Variants in SH2D7 observed in about 807,000 individuals in gnomAD.
SH2D7 encodes the protein SH2 domain containing 7.
Under a neutral mutation model 40.8 loss-of-function variants are expected in SH2D7, and 32 were observed. The observed-to-expected ratio is 0.78, with a 90% CI of 0.59 to 1.05. The LOEUF (loss-of-function observed/expected upper bound fraction) is 1.05. Among genes scored for constraint, SH2D7 ranks in the 50% least tolerant of loss-of-function variants. The pLI, the probability that SH2D7 is intolerant of heterozygous loss-of-function variation, is 0.00. For missense variants in SH2D7, 559 were observed against 566.6 expected (o/e 0.99, Z 0.14); for synonymous variants, 195 against 221.5 (o/e 0.88, Z 1.06).
rs2073947522 is a variant in SH2D7, at chr15:78,092,742, A to G, written c.158A>G (p.His53Arg). The stretch of plus-strand genomic sequence containing the variant: ...AACGGTGCCCTGCCTCCCTGGTTTC[A>G]TGGATTCATCACCCGCAAGTAAGGC... ...LQNGALPPWFHGFITRKQTEQ... is the reference protein window; with the variant it reads ...LQNGALPPWFRGFITRKQTEQ... Residue 53 changes from histidine to arginine, a missense_variant, in exon 1 of 6, where the codon CAT becomes CGT. Transcript: ENST00000328828. 1.2e-6 allele frequency: 2 copies of G among 1,608,352 alleles called. No homozygotes were observed. Among genetic ancestry groups the G allele is most frequent in the African/African-American group, 1.3e-5 (1 of 74,916 alleles).
In SH2D7 at chr15:78,098,488, CAAGG is replaced by C; in HGVS notation, c.538_541del (p.Lys180ProfsTer23). ...CGGCATTCCTCACAGTGGTCCCCGACAAGGCCGCCAGCCCCCGCTCTTCTCCAAA... is the reference window on the plus strand; with the variant it reads ...CGGCATTCCTCACAGTGGTCCCCGACCCGCCAGCCCCCGCTCTTCTCCAAA... On this transcript the variant is annotated frameshift_variant, in exon 4 of 6. Coordinates refer to ENST00000328828, the MANE Select transcript of SH2D7 (RefSeq NM_001101404.2). LOFTEE classifies it high-confidence loss of function. The C allele has an allele frequency of 6.2e-7, 1 of 1,614,040 alleles. No individual in the cohort carries two copies. Among genetic ancestry groups the C allele is most frequent in the South Asian group, 1.1e-5 (1 of 91,086 alleles).
At chr15:78,103,406 T>G (rs1223944281) in intron 5 of SH2D7, 59 bp from the exon 6 acceptor site, 2 of 1,545,158 alleles carry the variant, frequency 1.3e-6, no homozygotes, top group Non-Finnish European at 1.7e-6. Context: ...CCTCGGAGCC[T>G]GGGTCTTTCC....
At chr15:78,096,046 T>C (rs895788823) in intron 2 of SH2D7, among the ~76,000 whole-genome samples, 2 of 152,096 alleles carry the variant, frequency 1.3e-5, no homozygotes, top group African/African-American at 2.4e-5. Flanking sequence ...TTTCACCATA[T>C]TGGTCAGGCT....
chr15:78,095,297 G>C (rs558523284), intron 2 of SH2D7, among the ~76,000 whole-genome samples: 5 of 152,294 alleles, frequency 3.3e-5, no homozygotes, highest in African/African-American at 1.2e-4. Flanking sequence ...ACTGTGCTAG[G>C]CATTTTGAAA....
intron 3 of SH2D7, 121 bp from the exon 4 acceptor site, chr15:78,098,263 C>T: frequency 7.1e-7 from 1 of 1,414,288 alleles, no homozygotes. Flanking sequence ...GTGGCAATGT[C>T]TTACCTGAGG....
Position 78,101,133 on chromosome 15 carries a change from G to T in SH2D7, c.880G>T (p.Gly294Cys). ...AGATGGAGAACAGAACAGGCCTGAT[G>T]GCCTGGGGCCTGTCCTTTCTGGGGT... ...LSDGEQNRPD[G>C]LGPVLSGVSP... The change falls in exon 5 of 6, where the codon GGC becomes TGC. Residue 294 changes from glycine to cysteine, a missense_variant. By Grantham distance (159) the Gly-to-Cys change is radical. Transcript: ENST00000328828. The T allele has an allele frequency of 1.9e-6, 3 of 1,557,890 alleles. No homozygotes were observed. In the Middle Eastern group the frequency reaches 5.2e-4, roughly 271 times the overall value.
chr15:78,095,705 A>G (rs1428683773), intron 2 of SH2D7, among the ~76,000 whole-genome samples: 1 of 152,220 alleles, frequency 6.6e-6, no homozygotes, highest in Non-Finnish European at 1.5e-5. Context: ...AAAACAGGAA[A>G]ACATTGTCAT....
chr15:78,093,042 T>A (rs2073949372), intron 1 of SH2D7, among the ~76,000 whole-genome samples: 2 of 152,222 alleles, frequency 1.3e-5, no homozygotes, highest in African/African-American at 4.8e-5. Context: ...AGGCCCTGAC[T>A]TGATGAGTAA....
chr15:78,101,317 G>A lies in SH2D7; in HGVS notation c.1064G>A (p.Gly355Glu). 2 of 1,613,110 alleles carry A rather than the reference G, an allele frequency of 1.2e-6. No homozygotes were observed. Among genetic ancestry groups the A allele is most frequent in the East Asian group, 4.5e-5 (2 of 44,852 alleles). The change falls in exon 5 of 6, where the codon GGG (glycine) becomes GAG (glutamate). Residue 355 changes from glycine to glutamate, a missense_variant. Gly to Glu is a moderately conservative substitution (Grantham distance 98). Transcript: ENST00000328828. ...TCTGCAGATATCTATGAGTTCATCGGGACAGAAGGCCTCCTGCAAGAGGCC... is the reference window on the plus strand; with the variant it reads ...TCTGCAGATATCTATGAGTTCATCGAGACAGAAGGCCTCCTGCAAGAGGCC... The part of the protein sequence containing the change: ...GSSADIYEFI[G>E]TEGLLQEARD...
chr15:78,100,845 G>A (rs2074009053), intron 4 of SH2D7, 54 bp from the exon 5 acceptor site: 1 of 1,575,698 alleles, frequency 6.3e-7, no homozygotes, highest in African/African-American at 1.4e-5. Flanking sequence ...TTTACTGGAG[G>A]GCATCTTAGT....
rs760318762 is a variant in SH2D7, at chr15:78,094,173, C to T, written c.238C>T (p.Arg80Ter). 8.7e-6 allele frequency: 14 copies of T among 1,601,156 alleles called. No individual in the cohort carries two copies. The African/African-American group carries it at 9.4e-5, about 11-fold the overall frequency. ...TTCCTTCCTTATCCGCCTCAGTGACCGAGCCACTGGCTACATCTTGTCCTA... is the reference window on the plus strand; with the variant it reads ...TTCCTTCCTTATCCGCCTCAGTGACTGAGCCACTGGCTACATCTTGTCCTA... Reference protein sequence around the residue: ...LGSFLIRLSDRATGYILSYRG... With the variant: ...LGSFLIRLSD Residue 80 changes from arginine to a stop codon, truncating the protein, a stop_gained, in exon 2 of 6, where the codon CGA (arginine) becomes TGA (stop). Coordinates refer to ENST00000328828, the MANE Select transcript of SH2D7 (RefSeq NM_001101404.2). LOFTEE classifies it high-confidence loss of function.
rs748804919 is a variant in SH2D7 at position 78,101,509 on chromosome 15, A to G, written c.1256A>G (p.Tyr419Cys). Residue 419 changes from tyrosine (Y) to cysteine (C), a missense_variant, in exon 5 of 6, where the codon TAT becomes TGT. Tyr to Cys is a radical substitution (Grantham distance 194). Transcript: ENST00000328828. ...TPELSEPGNTYEQIPATKSKE... is the reference protein window; with the variant it reads ...TPELSEPGNTCEQIPATKSKE... ...GAGCTCTCAGAGCCTGGGAACACCT[A>G]TGAACAGATCCCAGCAACCAAGAGC... 18 of 1,610,584 alleles carry G rather than the reference A, an allele frequency of 1.1e-5. 3 individuals carry two copies. In the South Asian group the frequency reaches 1.7e-4, roughly 15 times the overall value.
At chr15:78,091,521 G>A, upstream of SH2D7, among the ~76,000 whole-genome samples, 1 of 152,108 alleles carries the variant, frequency 6.6e-6, no homozygotes, top group East Asian at 1.9e-4. Flanking sequence ...GTGGAAGTGG[G>A]AGTATCACCA....
chr15:78,103,183 C>T (rs1022442616), intron 5 of SH2D7, among the ~76,000 whole-genome samples: 2 of 152,168 alleles, frequency 1.3e-5, no homozygotes, highest in Non-Finnish European at 2.9e-5. Flanking sequence ...GAGACCAGGG[C>T]ACTCCAGGGA....
intron 4 of SH2D7, 133 bp downstream of exon 4, chr15:78,098,729 C>A: frequency 1.9e-6 from 2 of 1,075,786 alleles, no homozygotes; most frequent in Non-Finnish European, 2.7e-6. Flanking sequence ...CCCAGAGGTG[C>A]GGACCCAGCT....
chr15:78,093,510 T>G (rs2073951952), intron 1 of SH2D7, among the ~76,000 whole-genome samples: 1 of 152,244 alleles, frequency 6.6e-6, no homozygotes, highest in Admixed American at 6.5e-5. Context: ...ATATCTGGTC[T>G]GTGTACTGCC....
Position 78,100,982 on chromosome 15 carries a change from T to C in SH2D7, c.729T>C (p.Tyr243=), listed in dbSNP as rs2074010502. 6.2e-7 allele frequency: 1 copy of C among 1,613,980 alleles called. No individual in the cohort carries two copies. The highest frequency in any genetic ancestry group is 1.3e-5 in the African/African-American group (1 of 75,038). ...ESFGGPSDII[Y]ADLRRMNQAR... ...TTGGAGGCCCCAGTGACATCATCTA[T>C]GCAGACCTGAGGAGGATGAACCAGG... The change falls in exon 5 of 6, where the codon TAT becomes TAC. Residue 243 remains tyrosine, a synonymous_variant. Transcript: ENST00000328828.
upstream of SH2D7, among the ~76,000 whole-genome samples, chr15:78,091,005 C>G (rs1049671448): frequency 3.9e-5 from 6 of 152,164 alleles, no homozygotes; most frequent in East Asian, 1.2e-3. Context: ...ACCCAGTCCC[C>G]AAGGTAACCA....
chr15:78,102,085 C>G (rs1175524342), intron 5 of SH2D7, among the ~76,000 whole-genome samples: 1 of 152,042 alleles, frequency 6.6e-6, no homozygotes, highest in African/African-American at 2.4e-5. Flanking sequence ...AATCCCATCT[C>G]TATGAAAAAA....
Sources: allele counts gnomAD v4.1 joint callset (sites outside exome capture counted in the v4.1 genomes callset), GRCh38; gene constraint gnomAD v4.1.1; transcripts MANE v1.5; gene names NCBI Gene and HGNC (gene_info 2026-07-23, HGNC 2026-07-21).